Variants in FBLN5 observed in about 807,000 individuals in gnomAD.
The protein encoded by FBLN5 is fibulin-5.
Under a neutral mutation model 61.6 loss-of-function variants are expected in FBLN5, and 24 were observed. The ratio of observed to expected loss-of-function variants is 0.39; its 90% CI spans 0.28 to 0.55. FBLN5 has a LOEUF of 0.55. Ranked by LOEUF, FBLN5 falls within the 20% of genes least tolerant of loss-of-function variation. FBLN5 has a pLI of 0.65. For missense variants in FBLN5, 470 were observed against 594.1 expected (o/e 0.79, Z 2.17); for synonymous variants, 213 against 219.8 (o/e 0.97, Z 0.27).
intron 4 of FBLN5, among the ~76,000 whole-genome samples, chr14:91,933,738 T>C (rs2055965910): frequency 6.6e-6 from 1 of 151,926 alleles, no homozygotes; most frequent in Non-Finnish European, 1.5e-5. Context: ...GGGTGATAAG[T>C]AGGTAGGTGC....
intron 8 of FBLN5, among the ~76,000 whole-genome samples, chr14:91,881,752 G>A (rs997314788): frequency 6.6e-6 from 1 of 151,106 alleles, no homozygotes; most frequent in South Asian, 2.1e-4. Flanking sequence ...ACAAAGCAAG[G>A]TCTTATCTCT....
intron 4 of FBLN5, among the ~76,000 whole-genome samples, chr14:91,912,110 A>G (rs955559476): frequency 6.6e-6 from 1 of 152,264 alleles, no homozygotes; most frequent in Admixed American, 6.5e-5. Context: ...ATGTATAAAC[A>G]CTGCCATATT....
chr14:91,916,475 G>A (rs1891201771), intron 4 of FBLN5, among the ~76,000 whole-genome samples: 1 of 152,152 alleles, frequency 6.6e-6, no homozygotes, highest in Non-Finnish European at 1.5e-5. Flanking sequence ...ATTCAGGTGA[G>A]GGACTAGGCA....
intron 3 of FBLN5, 112 bp from the exon 4 acceptor site, chr14:91,937,313 G>C (rs2056035149): frequency 1.4e-6 from 2 of 1,443,550 alleles, no homozygotes; most frequent in African/African-American, 1.4e-5. Flanking sequence ...CAAACACCTA[G>C]GGTGGTCCCA....
In FBLN5 at chr14:91,947,155, GATTTTT is replaced by G; in HGVS notation, c.17+52_17+57del. 1 of 1,612,550 alleles carries G rather than the reference GATTTTT, an allele frequency of 6.2e-7. No homozygotes were observed. The highest frequency in any genetic ancestry group is 8.5e-7 in the Non-Finnish European group (1 of 1,178,676). On this transcript the variant is annotated intron_variant, in intron 1 of 10. Transcript: ENST00000342058. The surrounding 1 kb of genome is among the most constrained non-coding windows in gnomAD (Gnocchi z 4.3). ...AGCCATAACCATTTTCCACCCATCG[GATTTTT>G]AGCAAGGCTTCCAGACCCTGGAGAA...
intron 10 of FBLN5, among the ~76,000 whole-genome samples, chr14:91,871,684 C>A (rs2139939614): frequency 6.6e-6 from 1 of 152,156 alleles, no homozygotes; most frequent in South Asian, 2.1e-4. Context: ...TGGTGAAACC[C>A]CATCTCTACT....
At chr14:91,871,906 G>C (rs1437440489) in intron 10 of FBLN5, among the ~76,000 whole-genome samples, 2 of 151,748 alleles carry the variant, frequency 1.3e-5, no homozygotes, top group East Asian at 3.9e-4. Context: ...GCCACTCAAA[G>C]TGTGGTCCCT....
chr14:91,898,874 T>C (rs955776413), intron 4 of FBLN5, among the ~76,000 whole-genome samples: 1 of 138,886 alleles, frequency 7.2e-6, no homozygotes, highest in African/African-American at 2.7e-5. Flanking sequence ...CAATCTAAGC[T>C]CACTGCAAGC....
At chr14:91,941,601 C>T (rs2056105869) in intron 2 of FBLN5, among the ~76,000 whole-genome samples, 1 of 152,072 alleles carries the variant, frequency 6.6e-6, no homozygotes, top group Admixed American at 6.6e-5. Context: ...GGAAGTGGAA[C>T]AGACGAGCCA....
At chr14:91,924,178 C>T (rs1182500926) in intron 4 of FBLN5, among the ~76,000 whole-genome samples, 1 of 152,188 alleles carries the variant, frequency 6.6e-6, no homozygotes, top group Non-Finnish European at 1.5e-5. Context: ...ATTGCAACAT[C>T]AGGCATAAAT....
At chr14:91,871,408 T>C (rs1029509523) in intron 10 of FBLN5, among the ~76,000 whole-genome samples, 7 of 152,132 alleles carry the variant, frequency 4.6e-5, no homozygotes, top group Non-Finnish European at 1.0e-4. Flanking sequence ...TGTAACCTGA[T>C]CACTGTGGTC....
intron 4 of FBLN5, among the ~76,000 whole-genome samples, chr14:91,905,109 C>G (rs1890626269): frequency 6.6e-6 from 1 of 152,142 alleles, no homozygotes; most frequent in Admixed American, 6.5e-5. Context: ...TCAGCAGCAG[C>G]AAACATTCCC....
At chr14:91,939,466 A>G (rs1413347393) in intron 3 of FBLN5, among the ~76,000 whole-genome samples, 1 of 151,214 alleles carries the variant, frequency 6.6e-6, no homozygotes, top group Non-Finnish European at 1.5e-5. Flanking sequence ...CAGCTTCCTG[A>G]GTAGCTGGGG....
At chr14:91,922,242 G>A (rs1180959579) in intron 4 of FBLN5, among the ~76,000 whole-genome samples, 1 of 151,582 alleles carries the variant, frequency 6.6e-6, no homozygotes, top group Non-Finnish European at 1.5e-5. Context: ...GCAGTGAGCC[G>A]AGATCGCACC....
chr14:91,893,461 C>T (rs1890081348), intron 5 of FBLN5, among the ~76,000 whole-genome samples: 1 of 152,206 alleles, frequency 6.6e-6, no homozygotes, highest in South Asian at 2.1e-4. Flanking sequence ...GGCAGACCTA[C>T]TCAGCCTCAA....
At chr14:91,906,504 A>T (rs1426075585) in intron 4 of FBLN5, among the ~76,000 whole-genome samples, 1 of 152,228 alleles carries the variant, frequency 6.6e-6, no homozygotes, top group Non-Finnish European at 1.5e-5. Flanking sequence ...ACCCACAAAC[A>T]GTGCAGGGCT....
intron 4 of FBLN5, among the ~76,000 whole-genome samples, chr14:91,899,049 G>A (rs185018631): frequency 6.6e-6 from 1 of 151,878 alleles, no homozygotes; most frequent in Non-Finnish European, 1.5e-5. Context: ...TGATCTGCCC[G>A]CATCGGCCTC....
chr14:91,872,702 G>C (rs1025867599), intron 10 of FBLN5, among the ~76,000 whole-genome samples: 1 of 152,138 alleles, frequency 6.6e-6, no homozygotes, highest in Non-Finnish European at 1.5e-5. Context: ...TCCTGTTCCC[G>C]TCAGCATCCA....
intron 2 of FBLN5, among the ~76,000 whole-genome samples, chr14:91,941,819 G>A (rs529709978): frequency 7.9e-5 from 12 of 152,186 alleles, no homozygotes; most frequent in Admixed American, 2.0e-4. Flanking sequence ...TGGTAAGGAC[G>A]ATGTATGTTA....
Sources: allele counts gnomAD v4.1 joint callset (sites outside exome capture counted in the v4.1 genomes callset), GRCh38; gene constraint gnomAD v4.1.1; non-coding constraint Gnocchi (gnomAD v3.1); transcripts MANE v1.5; gene names NCBI Gene and HGNC (gene_info 2026-07-23, HGNC 2026-07-21).